CACNG7: variants seen among roughly 807,000 people sequenced by gnomAD.
The protein encoded by CACNG7 is calcium voltage-gated channel auxiliary subunit gamma 7.
In CACNG7, 9 loss-of-function variants were observed where a neutral mutation model predicts 26.3. That is an observed-to-expected ratio of 0.34 (90% CI 0.21 to 0.60). The LOEUF (loss-of-function observed/expected upper bound fraction) is 0.60, where lower values mean the gene tolerates loss of function less well. Among genes scored for constraint, CACNG7 ranks in the 20% least tolerant of loss-of-function variants. CACNG7 has a pLI of 0.81. For missense variants in CACNG7, 297 were observed against 380.4 expected, an observed-to-expected ratio of 0.78 and a Z score of 1.82; for synonymous variants, 170 against 157.0, an observed-to-expected ratio of 1.08 and a Z score of -0.62.
chr19:53,932,251 C>CT (rs2069077947), intron 4 of CACNG7, among the ~76,000 whole-genome samples: 1 of 82,606 alleles, frequency 1.2e-5, no homozygotes, highest in Non-Finnish European at 2.3e-5. Context: ...AAGGCCCTGT[C>CT]TAAAAAAAAA....
chr19:53,914,701 C>G (rs2145897857), intron 3 of CACNG7, 115 bp downstream of exon 3: 2 of 932,606 alleles, frequency 2.1e-6, no homozygotes, highest in Middle Eastern at 2.2e-4. Context: ...GGAGGGGAGG[C>G]TTGAAAGAAG....
chr19:53,928,803 T>C (rs907101683), intron 4 of CACNG7, among the ~76,000 whole-genome samples: 3 of 151,844 alleles, frequency 2.0e-5, no homozygotes, highest in African/African-American at 7.3e-5. Flanking sequence ...GGAACAATGG[T>C]ACAAACATAC....
Position 53,914,280 on chromosome 19 carries a change from A to AAAAAAAAG in CACNG7, c.197-206_197-199dup, listed in dbSNP as rs1206722160. ...CAGAGTGAGACTCCATCTCAAAAAAAAAAAAAAGAAAAAAAGAAAAAGAAA... is the reference window on the plus strand; with the variant it reads ...CAGAGTGAGACTCCATCTCAAAAAAAAAAAAAAGAAAAAAAGAAAAAAAGAAAAAGAAA... On this transcript the variant is annotated intron_variant, in intron 2 of 5. Coordinates refer to ENST00000391767, the MANE Select transcript of CACNG7 (RefSeq NM_031896.5). Among the ~76,000 whole-genome samples the AAAAAAAAG allele has an allele frequency of 1.1e-4, 15 of 138,752 alleles. No homozygotes were observed. In the East Asian group the frequency reaches 1.4e-3, roughly 13 times the overall value. The allele number at this position is 138,752 out of a possible 152,430, so 91.0% of individuals were successfully genotyped here. A position where few individuals can be genotyped will look rare whatever the true frequency, so the allele number is the denominator to read the frequency against.
At chr19:53,931,862 C>T (rs1268448168) in intron 4 of CACNG7, among the ~76,000 whole-genome samples, 15 of 145,272 alleles carry the variant, frequency 1.0e-4, no homozygotes, top group East Asian at 4.2e-4. Flanking sequence ...CCCAGGTTTG[C>T]GCCATTTTCC....
intron 4 of CACNG7, among the ~76,000 whole-genome samples, chr19:53,930,339 G>T (rs1345572012): frequency 5.3e-5 from 8 of 151,784 alleles, no homozygotes; most frequent in African/African-American, 4.8e-5. Context: ...CTCCCGAATA[G>T]CTAGGACTAC....
chr19:53,920,865 T>A (rs1470068234), intron 4 of CACNG7, among the ~76,000 whole-genome samples: 2 of 92,166 alleles, frequency 2.2e-5, no homozygotes, highest in African/African-American at 1.1e-4. Context: ...TTGCCCCAGG[T>A]CTGGTCATTG....
rs755850198 is a variant in CACNG7 at position 53,914,590 on chromosome 19, AG to A, written c.283+8del. 6.2e-6 allele frequency: 10 copies of A among 1,613,464 alleles called. No homozygotes were observed. The Admixed American group carries it at 1.7e-4, about 27-fold the overall frequency. ...GAAAACACGGAGAATATTCTGAGTG[AG>A]GGGATGTGGGGGCACCTAGGCACAA... On this transcript the variant is annotated splice_donor_5th_base_variant and intron_variant, in intron 3 of 5. Transcript: ENST00000391767.
intron 4 of CACNG7, among the ~76,000 whole-genome samples, chr19:53,923,149 C>T (rs2068979164): frequency 1.8e-5 from 2 of 110,484 alleles, no homozygotes; most frequent in African/African-American, 8.7e-5. Flanking sequence ...GGAGTTGCCC[C>T]AGGTCTGGTC....
chr19:53,909,281 A>G lies in CACNG7; in HGVS notation c.-266A>G, dbSNP rs897908890. 2.0e-5 allele frequency: 3 copies of G among 149,676 alleles called. No individual in the cohort carries two copies. The highest frequency in any genetic ancestry group is 4.5e-5 in the Non-Finnish European group (3 of 66,814). 9.3% of individuals were successfully genotyped at this position (149,676 alleles called of 1,614,324 possible). On this transcript the variant is annotated 5_prime_UTR_variant, in exon 1 of 6. Coordinates refer to ENST00000391767, the MANE Select transcript of CACNG7 (RefSeq NM_031896.5). The surrounding 1 kb of genome is among the most constrained non-coding windows in gnomAD (Gnocchi z 5.1). ...CCCCGCCCCTCCCCTCCTCCGCAGT[A>G]GCCAATGAGCGGCCGCCGGTTCCTG...
rs141100369 is a variant in CACNG7, at chr19:53,937,090, A to G, written c.425-4380A>G. 2.0e-5 allele frequency among the ~76,000 whole-genome samples: 3 copies of G among 151,958 alleles called. No homozygotes were observed. In the East Asian group the frequency reaches 5.8e-4, roughly 29 times the overall value. On this transcript the variant is annotated intron_variant, in intron 4 of 5. Coordinates refer to ENST00000391767, the MANE Select transcript of CACNG7 (RefSeq NM_031896.5). Reference sequence around the variant, plus strand: ...TTTTTAGTAGAGATGGGGTCTCACTATGTTGTCCAGGCTGGTCTTGAGCTG... The same window carrying G: ...TTTTTAGTAGAGATGGGGTCTCACTGTGTTGTCCAGGCTGGTCTTGAGCTG...
rs1477572520 is a variant in CACNG7 at position 53,940,421 on chromosome 19, C to T, written c.425-1049C>T. On this transcript the variant is annotated intron_variant, in intron 4 of 5. Transcript: ENST00000391767. This position sits in a 1 kb window ranked among gnomAD's most constrained non-coding sequence, Gnocchi z 4.1. ...GTTGCAATTATTATCCACACAGCCT[C>T]AGCTCAGGCCTCATCCTCTTCGCCC... 6.6e-6 allele frequency among the ~76,000 whole-genome samples: 1 copy of T among 152,152 alleles called. No individual in the cohort carries two copies. Among genetic ancestry groups the T allele is most frequent in the African/African-American group, 2.4e-5 (1 of 41,428 alleles).
In CACNG7 at chr19:53,939,540, T is replaced by C. The variant is rs949112300; in HGVS notation, c.425-1930T>C. Among the ~76,000 whole-genome samples, 3 of 152,248 alleles carry C rather than the reference T, an allele frequency of 2.0e-5. No homozygotes were observed. Among genetic ancestry groups the C allele is most frequent in the Admixed American group, 6.5e-5 (1 of 15,270 alleles). On this transcript the variant is annotated intron_variant, in intron 4 of 5. Transcript: ENST00000391767. The surrounding 1 kb of genome is among the most constrained non-coding windows in gnomAD (Gnocchi z 4.2). Reference sequence around the variant, plus strand: ...ATAAATGGAATCACACAATATGTGATATTTTGCATCTGGCTTCTTTTAGCT... The same window carrying C: ...ATAAATGGAATCACACAATATGTGACATTTTGCATCTGGCTTCTTTTAGCT...
At chr19:53,941,688 G>A (rs750129348) in intron 5 of CACNG7, 73 bp downstream of exon 5, 1 of 1,534,932 alleles carries the variant, frequency 6.5e-7, no homozygotes, top group Non-Finnish European at 8.8e-7. Context: ...CCTGAGTCCA[G>A]GAGGAAGGAG....
chr19:53,923,683 TCCCAGG>T (rs2068989085), intron 4 of CACNG7, among the ~76,000 whole-genome samples: 3 of 112,862 alleles, frequency 2.7e-5, no homozygotes, highest in African/African-American at 4.2e-5. Flanking sequence ...GGTGGAGTTG[TCCCAGG>T]CCTGGTCATT....
rs1052748681 is a variant in CACNG7 at position 53,937,376 on chromosome 19, T to C, written c.425-4094T>C. ...TTTCACGTGGCGGCACCGTTTTGCA[T>C]TCCCACCAGCAATGTAGAAGAACGT... On this transcript the variant is annotated intron_variant, in intron 4 of 5. Coordinates refer to ENST00000391767, the MANE Select transcript of CACNG7 (RefSeq NM_031896.5). 3.9e-5 allele frequency among the ~76,000 whole-genome samples: 6 copies of C among 152,154 alleles called. 1 individual carries two copies. The highest frequency in any genetic ancestry group is 7.4e-5 in the Non-Finnish European group (5 of 68,018).
chr19:53,920,912 TC>T (rs1396618898), intron 4 of CACNG7, among the ~76,000 whole-genome samples: 5 of 93,486 alleles, frequency 5.3e-5, no homozygotes, highest in Non-Finnish European at 8.4e-5. Context: ...GGTGGAGTTG[TC>T]CCCAGGTCTG....
At chr19:53,920,011 G>A (rs1411485297) in intron 4 of CACNG7, among the ~76,000 whole-genome samples, 1 of 125,646 alleles carries the variant, frequency 8.0e-6, no homozygotes. Context: ...GTTGCCCCAG[G>A]TCTGGTCATT....
At chr19:53,928,149 A>G (rs1425285334) in intron 4 of CACNG7, among the ~76,000 whole-genome samples, 1 of 152,148 alleles carries the variant, frequency 6.6e-6, no homozygotes, top group Non-Finnish European at 1.5e-5. Context: ...AAGAAAAAGC[A>G]ACGATAAGAA....
At chr19:53,926,505 T>C (rs1252382553) in intron 4 of CACNG7, among the ~76,000 whole-genome samples, 1 of 152,142 alleles carries the variant, frequency 6.6e-6, no homozygotes, top group Non-Finnish European at 1.5e-5. Context: ...TACCTAGTAT[T>C]CCCTTACCCT....
Sources: gnomAD v4.1 joint callset for allele counts (sites outside exome capture counted in the v4.1 genomes callset) on GRCh38, gnomAD v4.1.1 for gene constraint, Gnocchi (gnomAD v3.1) non-coding constraint, MANE v1.5 for transcripts, NCBI Gene and HGNC (gene_info 2026-07-23, HGNC 2026-07-21) for gene names.